Variants in AP3S2 observed in about 807,000 individuals in gnomAD.
AP3S2 encodes the protein AP-3 complex subunit sigma-2.
AP3S2 carries 22 observed loss-of-function variants against 23.4 expected under a neutral mutation model. That is an observed-to-expected ratio of 0.94 (90% CI 0.67 to 1.34). The LOEUF is 1.34. Among genes scored for constraint, AP3S2 ranks in the 40% most tolerant of loss-of-function variants. AP3S2 has a pLI of 0.00. For missense variants in AP3S2, 241 were observed against 236.9 expected, an observed-to-expected ratio of 1.02 and a Z score of -0.11; for synonymous variants, 86 against 87.1, an observed-to-expected ratio of 0.99 and a Z score of 0.07.
chr15:89,887,771 A>G (rs951120931), intron 3 of AP3S2, among the ~76,000 whole-genome samples: 4 of 152,228 alleles, frequency 2.6e-5, no homozygotes, highest in African/African-American at 9.6e-5. Context: ...CCCAGGTTCA[A>G]ATAATTCTCC....
intron 4 of AP3S2, among the ~76,000 whole-genome samples, chr15:89,840,827 T>C (rs180863951): frequency 1.3e-4 from 20 of 152,344 alleles, no homozygotes; most frequent in African/African-American, 4.1e-4. Flanking sequence ...AGAATGGTGC[T>C]GATTCCGGAG....
intron 1 of AP3S2, among the ~76,000 whole-genome samples, chr15:89,891,091 T>C (rs1489244718): frequency 2.6e-5 from 4 of 152,224 alleles, no homozygotes; most frequent in African/African-American, 9.6e-5. Context: ...GCCTTTTATC[T>C]GACTCTGGGG....
chr15:89,835,700 C>CCTG, intron 5 of AP3S2, 57 bp from the exon 6 acceptor site: 1 of 783,946 alleles, frequency 1.3e-6, no homozygotes. Context: ...CTGCTTAATG[C>CCTG]TAAAAAAAAA....
rs556104676 is a variant in AP3S2, at chr15:89,878,172, G to C, written c.274-6626C>G. Reference sequence around the variant, plus strand: ...GATCTTGCCACTGGTACATAATCCAGCACAAATAAGCTGGGTGGTGATGAT... The same window carrying C: ...GATCTTGCCACTGGTACATAATCCACCACAAATAAGCTGGGTGGTGATGAT... On this transcript the variant is annotated intron_variant, in intron 3 of 5. Transcript: ENST00000336418. The C allele has an allele frequency of 1.7e-5, 10 of 572,842 alleles. No individual in the cohort carries two copies. In the East Asian group the frequency reaches 2.8e-4, roughly 16 times the overall value. The allele number at this position is 572,842 out of a possible 1,614,324, so 35.5% of individuals were successfully genotyped here.
chr15:89,893,432 G>A, intron 1 of AP3S2: 1 of 298,290 alleles, frequency 3.4e-6, no homozygotes. Flanking sequence ...AGCCAACACT[G>A]AAGCAAAATA....
intron 1 of AP3S2, among the ~76,000 whole-genome samples, chr15:89,891,777 C>T (rs963912453): frequency 2.0e-5 from 3 of 152,144 alleles, no homozygotes; most frequent in African/African-American, 7.2e-5. Context: ...TTATACATTG[C>T]TGATGGAAAT....
rs989593343 is a variant in AP3S2 at position 89,893,804 on chromosome 15, G to A, written c.69+77C>T. On this transcript the variant is annotated intron_variant, in intron 1 of 5. Coordinates refer to ENST00000336418, the MANE Select transcript of AP3S2 (RefSeq NM_005829.5). Reference sequence around the variant, plus strand: ...CAGGTGACCAAAGAGCGGTGCCCCCGGGCGCCGAGAGGCCAAAGAGGAGGG... The same window carrying A: ...CAGGTGACCAAAGAGCGGTGCCCCCAGGCGCCGAGAGGCCAAAGAGGAGGG... 4.8e-6 allele frequency: 7 copies of A among 1,445,284 alleles called. No homozygotes were observed. In the Admixed American group the frequency reaches 1.4e-4, roughly 29 times the overall value. 89.5% of individuals were successfully genotyped at this position (1,445,284 alleles called of 1,614,324 possible). A position where few individuals can be genotyped will look rare whatever the true frequency, so the allele number is the denominator to read the frequency against.
intron 4 of AP3S2, chr15:89,845,209 A>G (rs2141843337): frequency 1.3e-5 from 2 of 152,340 alleles, no homozygotes; most frequent in Middle Eastern, 6.8e-3. Flanking sequence ...GCACAGCCAG[A>G]ATAATTTTCT....
intron 4 of AP3S2, among the ~76,000 whole-genome samples, chr15:89,868,812 A>T (rs1240907480): frequency 2.6e-5 from 3 of 115,202 alleles, no homozygotes; most frequent in African/African-American, 1.1e-4. Flanking sequence ...CCCGTCCGGG[A>T]GGGAGGTGGG....
chr15:89,852,806 C>G (rs1016654898), intron 4 of AP3S2: 5 of 152,416 alleles, frequency 3.3e-5, no homozygotes, highest in African/African-American at 1.2e-4. Flanking sequence ...GCCCTGTGCC[C>G]CAGTCCACCT....
chr15:89,858,523 G>GAGAAAGAAAGAAAGAA (rs58144640), intron 4 of AP3S2, among the ~76,000 whole-genome samples: 41 of 53,584 alleles, frequency 7.7e-4, no homozygotes, highest in Admixed American at 3.5e-3. Flanking sequence ...GAGAGAGAGA[G>GAGAAAGAAAGAAAGAA]AGAAAGAAAG....
intron 1 of AP3S2, among the ~76,000 whole-genome samples, chr15:89,892,278 G>T (rs912132286): frequency 2.0e-5 from 3 of 152,192 alleles, no homozygotes; most frequent in African/African-American, 4.8e-5. Context: ...ATGGGCAGAG[G>T]TTTCTTTTTG....
intron 4 of AP3S2, among the ~76,000 whole-genome samples, chr15:89,859,684 C>G (rs1326175769): frequency 1.3e-5 from 2 of 151,572 alleles, no homozygotes; most frequent in Non-Finnish European, 2.9e-5. Context: ...CTCGAGCCAC[C>G]GCGCCCAGCC....
chr15:89,845,119 C>T (rs1293275269), intron 4 of AP3S2, among the ~76,000 whole-genome samples: 1 of 152,142 alleles, frequency 6.6e-6, no homozygotes, highest in Non-Finnish European at 1.5e-5. Context: ...GTTGCCCAGG[C>T]TGGTCTTGAA....
At chr15:89,856,265 T>A (rs1895833062) in intron 4 of AP3S2, among the ~76,000 whole-genome samples, 1 of 152,136 alleles carries the variant, frequency 6.6e-6, no homozygotes, top group South Asian at 2.1e-4. Flanking sequence ...GAATTTGGTT[T>A]TAAAAAATGG....
chr15:89,847,495 G>A (rs1895525997), intron 4 of AP3S2, among the ~76,000 whole-genome samples: 1 of 151,654 alleles, frequency 6.6e-6, no homozygotes, highest in Non-Finnish European at 1.5e-5. Flanking sequence ...TGTGCCTCAG[G>A]AACCTAGCTC....
In AP3S2 at chr15:89,833,878, G is replaced by C. The variant is rs961578831; in HGVS notation, c.*1637C>G. 2.0e-5 allele frequency: 3 copies of C among 152,242 alleles called. No homozygotes were observed. Among genetic ancestry groups the C allele is most frequent in the Non-Finnish European group, 4.4e-5 (3 of 68,066 alleles). The allele number at this position is 152,242 out of a possible 1,614,324, so 9.4% of individuals were successfully genotyped here. A position where few individuals can be genotyped will look rare whatever the true frequency, so the allele number is the denominator to read the frequency against. ...TGGCCCTGACACCGGGTGCTGCTGG[G>C]CACCCTCTCAGACCTGCCCTGCAAC... On this transcript the variant is annotated 3_prime_UTR_variant, in exon 6 of 6. Transcript: ENST00000336418.
chr15:89,836,747 T>C (rs1231144942), intron 5 of AP3S2, among the ~76,000 whole-genome samples: 1 of 152,174 alleles, frequency 6.6e-6, no homozygotes, highest in Non-Finnish European at 1.5e-5. Context: ...CCCCCTTGCC[T>C]CTGACTCACT....
chr15:89,847,375 CAAAAAAAAAA>C (rs11314336), intron 4 of AP3S2, among the ~76,000 whole-genome samples: 11 of 62,602 alleles, frequency 1.8e-4, no homozygotes, highest in African/African-American at 2.6e-4. Flanking sequence ...GACCCTGTTA[CAAAAAAAAAA>C]AAAAAAAAAA....
Sources: allele counts gnomAD v4.1 joint callset (sites outside exome capture counted in the v4.1 genomes callset), GRCh38; gene constraint gnomAD v4.1.1; transcripts MANE v1.5; gene names NCBI Gene and HGNC (gene_info 2026-07-23, HGNC 2026-07-21).